The following NALF1 variants were observed in gnomAD, a reference collection of about 807,000 sequenced individuals.
The protein encoded by NALF1 is NALCN channel auxiliary factor 1.
A neutral mutation model predicts 48.4 loss-of-function variants in NALF1; 3 were observed. The observed-to-expected ratio is 0.06, with a 90% CI of 0.03 to 0.16. The LOEUF (loss-of-function observed/expected upper bound fraction) is 0.16. NALF1 is among the 10% of genes least tolerant of loss of function. The pLI is 1.00. For synonymous variants in NALF1, 262 were observed against 245.7 expected, an observed-to-expected ratio of 1.07 and a Z score of -0.62; for missense variants, 526 against 571.5, an observed-to-expected ratio of 0.92 and a Z score of 0.81.
intron 1 of NALF1, among the ~76,000 whole-genome samples, chr13:107,796,340 T>C (rs1878423698): frequency 6.6e-6 from 1 of 152,238 alleles, no homozygotes; most frequent in Admixed American, 6.5e-5. Flanking sequence ...TCAGCTACAT[T>C]CATTAATTGA....
chr13:107,427,198 TTTTC>T (rs1884295523), intron 1 of NALF1, among the ~76,000 whole-genome samples: 1 of 151,626 alleles, frequency 6.6e-6, no homozygotes, highest in South Asian at 2.1e-4. Context: ...GTAGTTAAAA[TTTTC>T]TTTTTCATTA....
chr13:107,256,567 G>A (rs1392462619), intron 1 of NALF1, among the ~76,000 whole-genome samples: 3 of 152,114 alleles, frequency 2.0e-5, no homozygotes, highest in Non-Finnish European at 4.4e-5. Flanking sequence ...ACCTAATTTG[G>A]GAAAGAATTT....
intron 1 of NALF1, among the ~76,000 whole-genome samples, chr13:107,314,869 G>A (rs949611969): frequency 8.5e-5 from 13 of 152,124 alleles, no homozygotes; most frequent in Non-Finnish European, 1.5e-4. Context: ...GAAAGCTCAC[G>A]CAATTCAAAT....
At chr13:107,808,202 G>A (rs1830881968) in intron 1 of NALF1, among the ~76,000 whole-genome samples, 1 of 152,030 alleles carries the variant, frequency 6.6e-6, no homozygotes, top group South Asian at 2.1e-4. Flanking sequence ...GCCTTTGTGG[G>A]TTATAGGTTT....
chr13:107,204,017 C>T (rs1191731670), intron 2 of NALF1, among the ~76,000 whole-genome samples: 2 of 131,330 alleles, frequency 1.5e-5, no homozygotes, highest in Non-Finnish European at 3.4e-5. Flanking sequence ...GGGGCGCCCA[C>T]AAGCTCTCCC....
chr13:107,327,929 T>C lies in NALF1; in HGVS notation c.916-117174A>G, dbSNP rs553182617. On this transcript the variant is annotated intron_variant, in intron 1 of 2. Transcript: ENST00000375915. Reference sequence around the variant, plus strand: ...AGCTTAAAAGTGCTTTACTTTTTCCTTTTTTTTTTAAGACAGGATATCACT... The same window carrying C: ...AGCTTAAAAGTGCTTTACTTTTTCCCTTTTTTTTTAAGACAGGATATCACT... 3.5e-4 allele frequency among the ~76,000 whole-genome samples: 46 copies of C among 129,620 alleles called. 1 individual carries two copies. The South Asian group carries it at 0.01, about 29-fold the overall frequency. The allele number at this position is 129,620 out of a possible 152,430, so 85.0% of individuals were successfully genotyped here.
At chr13:107,654,185 A>G (rs1249028290) in intron 1 of NALF1, among the ~76,000 whole-genome samples, 1 of 152,156 alleles carries the variant, frequency 6.6e-6, no homozygotes, top group East Asian at 1.9e-4. Context: ...AAGCTAAATT[A>G]GAAATGAAAT....
In NALF1 at chr13:107,532,493, G is replaced by A. The variant is rs1331446020; in HGVS notation, c.916-321738C>T. ...TGTGTGCTTCCTCATCAACAAACAT[G>A]AAATTTATCTTCTTAAATATCAAGA... On this transcript the variant is annotated intron_variant, in intron 1 of 2. Transcript: ENST00000375915. Among the ~76,000 whole-genome samples the A allele has an allele frequency of 2.6e-5, 4 of 151,976 alleles. No homozygotes were observed. The East Asian group carries it at 7.7e-4, about 29-fold the overall frequency.
chr13:107,855,165 T>C (rs1266180043), intron 1 of NALF1, among the ~76,000 whole-genome samples: 1 of 152,158 alleles, frequency 6.6e-6, no homozygotes, highest in African/African-American at 2.4e-5. Context: ...GGGTGCTGCC[T>C]TAAACTGGAT....
chr13:107,801,739 T>A (rs758737708), intron 1 of NALF1, among the ~76,000 whole-genome samples: 10 of 152,186 alleles, frequency 6.6e-5, no homozygotes, highest in Admixed American at 1.3e-4. Flanking sequence ...GAGAGCAATT[T>A]CAAAAATGTT....
chr13:107,717,123 G>A (rs1360149552), intron 1 of NALF1, among the ~76,000 whole-genome samples: 3 of 152,052 alleles, frequency 2.0e-5, no homozygotes, highest in Non-Finnish European at 4.4e-5. Context: ...TTTGACCTAG[G>A]TGCTTTATGT....
chr13:107,420,203 C>A (rs1411670599), intron 1 of NALF1, among the ~76,000 whole-genome samples: 1 of 152,068 alleles, frequency 6.6e-6, no homozygotes, highest in East Asian at 1.9e-4. Context: ...TTTTTATAGT[C>A]AGCAATAGCA....
At chr13:107,637,122 A>AT (rs1247475903) in intron 1 of NALF1, among the ~76,000 whole-genome samples, 1 of 151,982 alleles carries the variant, frequency 6.6e-6, no homozygotes, top group East Asian at 1.9e-4. Context: ...ATCATAGATT[A>AT]TAACACCTCA....
intron 1 of NALF1, among the ~76,000 whole-genome samples, chr13:107,670,870 A>T (rs1034770280): frequency 1.3e-5 from 2 of 152,118 alleles, no homozygotes; most frequent in Non-Finnish European, 2.9e-5. Flanking sequence ...GAGATTTTCA[A>T]CTACACAGCC....
intron 1 of NALF1, among the ~76,000 whole-genome samples, chr13:107,660,945 T>TTGTCTAAAAA (rs1398135772): frequency 6.6e-6 from 1 of 152,050 alleles, no homozygotes; most frequent in Non-Finnish European, 1.5e-5. Context: ...ATCTAAAAAT[T>TTGTCTAAAAA]TGTCTAAAAA....
At chr13:107,704,172 A>G (rs563104230) in intron 1 of NALF1, among the ~76,000 whole-genome samples, 26 of 152,272 alleles carry the variant, frequency 1.7e-4, no homozygotes, top group Admixed American at 7.2e-4. Flanking sequence ...GTAAAATTTT[A>G]TTTTAGTGTA....
At chr13:107,638,707 G>A (rs757857961) in intron 1 of NALF1, among the ~76,000 whole-genome samples, 4 of 152,170 alleles carry the variant, frequency 2.6e-5, no homozygotes, top group Non-Finnish European at 5.9e-5. Context: ...CCTCTCTGAA[G>A]AGCTGGTACC....
At chr13:107,381,288 C>T (rs1883434901) in intron 1 of NALF1, among the ~76,000 whole-genome samples, 2 of 150,704 alleles carry the variant, frequency 1.3e-5, no homozygotes, top group African/African-American at 2.4e-5. Context: ...GCAGCTTCAA[C>T]CTCTTTGGCT....
intron 1 of NALF1, among the ~76,000 whole-genome samples, chr13:107,656,344 TAAGAACATGAATAGACAATTCCCCA>T (rs1880574539): frequency 6.6e-6 from 1 of 151,790 alleles, no homozygotes; most frequent in African/African-American, 2.4e-5. Context: ...AAAAGTGAGC[TAAGAACATGAATAGACAATTCCCCA>T]AAAAACATAT....
Sources: gnomAD v4.1 joint callset for allele counts (sites outside exome capture counted in the v4.1 genomes callset) on GRCh38, gnomAD v4.1.1 for gene constraint, MANE v1.5 for transcripts, NCBI Gene and HGNC (gene_info 2026-07-23, HGNC 2026-07-21) for gene names.